Variants in KIAA1217 observed in about 807,000 individuals in gnomAD.
KIAA1217 encodes the protein sickle tail protein homolog.
In KIAA1217, 88 loss-of-function variants were observed where a neutral mutation model predicts 163.9. The ratio of observed to expected loss-of-function variants is 0.54; its 90% CI spans 0.45 to 0.64. KIAA1217 has a LOEUF of 0.64. Among genes scored for constraint, KIAA1217 ranks in the 30% least tolerant of loss-of-function variants. The probability of loss-of-function intolerance (pLI) is 0.00; values close to 1 mark genes in which losing one functional copy is unlikely to be tolerated. For missense variants in KIAA1217, 2,372 were observed against 2,475.0 expected (o/e 0.96, Z 0.88); for synonymous variants, 903 against 923.1 (o/e 0.98, Z 0.39).
In KIAA1217 at chr10:23,750,713, T is replaced by TTG. The variant is rs145596955; in HGVS notation, c.-321+55479_-321+55480insTG. On this transcript the variant is annotated intron_variant, in intron 1 of 18. Transcript: ENST00000376462. ...TACACTTGTTCAATTAATGAATGAC[T>TTG]AATTGAAGAGCTTGAATGAGGGGCT... is the stretch of plus-strand genomic sequence containing the variant. Among the ~76,000 whole-genome samples the TTG allele has an allele frequency of 7.9e-3, 1,197 of 152,252 alleles. 14 individuals are homozygous for TTG. Among genetic ancestry groups the TTG allele is most frequent in the African/African-American group, 0.025 (1,036 of 41,562 alleles).
intron 1 of KIAA1217, among the ~76,000 whole-genome samples, chr10:23,730,154 G>A (rs1327471607): frequency 6.6e-6 from 1 of 152,112 alleles, no homozygotes; most frequent in Non-Finnish European, 1.5e-5. Flanking sequence ...GCCCGCCTCG[G>A]CCTCCCAAAG....
intron 2 of KIAA1217, among the ~76,000 whole-genome samples, chr10:24,133,885 A>G (rs1215267156): frequency 1.3e-5 from 2 of 152,224 alleles, no homozygotes; most frequent in Non-Finnish European, 1.5e-5. Context: ...TTTCTTAACT[A>G]GGAGTGGTCA....
At chr10:24,031,274 T>C (rs554148857) in intron 2 of KIAA1217, among the ~76,000 whole-genome samples, 3 of 152,298 alleles carry the variant, frequency 2.0e-5, no homozygotes, top group African/African-American at 7.2e-5. Context: ...GAGTTGCATT[T>C]CTCTAATGAT....
At chr10:24,398,482 C>T (rs141829065) in intron 3 of KIAA1217, among the ~76,000 whole-genome samples, 1 of 152,222 alleles carries the variant, frequency 6.6e-6, no homozygotes, top group East Asian at 1.9e-4. Flanking sequence ...AACAATTTGA[C>T]TGAGGGGCCT....
At chr10:24,443,331 A>G (rs117437284) in intron 5 of KIAA1217, among the ~76,000 whole-genome samples, 5,434 of 152,306 alleles carry the variant, frequency 0.036, 136 homozygotes, top group Middle Eastern at 0.088. Flanking sequence ...GCCAGAGAGT[A>G]GCAGAACAGA....
intron 1 of KIAA1217, among the ~76,000 whole-genome samples, chr10:23,849,233 C>A (rs1839187659): frequency 6.6e-6 from 1 of 152,110 alleles, no homozygotes; most frequent in Non-Finnish European, 1.5e-5. Context: ...AATCTCCAAT[C>A]TAAATCCAGG....
rs144210193 is a variant in KIAA1217, at chr10:23,922,317, C to T, written c.-320-84908C>T. ...TGACCTCCATACCTCCTCATCTGAC[C>T]GTTCATTTGTATCCTTTATAATATC... On this transcript the variant is annotated intron_variant, in intron 1 of 18. Transcript: ENST00000376462. Among the ~76,000 whole-genome samples, 1,178 of 152,240 alleles carry T rather than the reference C, an allele frequency of 7.7e-3. 6 individuals carry two copies. The highest frequency in any genetic ancestry group is 0.011 in the Non-Finnish European group (730 of 68,010).
chr10:24,018,680 A>G (rs952744432), intron 2 of KIAA1217, among the ~76,000 whole-genome samples: 1 of 152,108 alleles, frequency 6.6e-6, no homozygotes, highest in South Asian at 2.1e-4. Context: ...TAGAACTGCT[A>G]TATGACCCAG....
At chr10:23,701,142 G>A (rs551079814) in intron 1 of KIAA1217, among the ~76,000 whole-genome samples, 1 of 152,234 alleles carries the variant, frequency 6.6e-6, no homozygotes, top group Admixed American at 6.5e-5. Context: ...TATTATTATG[G>A]TGTCATCTCA....
chr10:24,123,931 G>A (rs2063376809), intron 2 of KIAA1217, among the ~76,000 whole-genome samples: 1 of 152,140 alleles, frequency 6.6e-6, no homozygotes. Flanking sequence ...TTATATATTA[G>A]TATTCTGGGC....
intron 14 of KIAA1217, among the ~76,000 whole-genome samples, chr10:24,528,637 G>A (rs955464622): frequency 6.6e-6 from 1 of 152,064 alleles, no homozygotes; most frequent in Non-Finnish European, 1.5e-5. Flanking sequence ...CACTACTACT[G>A]TTTTATGCTA....
At chr10:24,371,969 A>G (rs996152292) in intron 2 of KIAA1217, among the ~76,000 whole-genome samples, 1 of 152,208 alleles carries the variant, frequency 6.6e-6, no homozygotes, top group Non-Finnish European at 1.5e-5. Context: ...CCAATGCAGC[A>G]TGTTCTTACT....
At chr10:23,844,278 C>G (rs554490450) in intron 1 of KIAA1217, among the ~76,000 whole-genome samples, 1 of 152,088 alleles carries the variant, frequency 6.6e-6, no homozygotes, top group South Asian at 2.1e-4. Context: ...CCCTTTTATT[C>G]TCTTTGTGAG....
intron 2 of KIAA1217, among the ~76,000 whole-genome samples, chr10:24,318,817 A>G (rs1164635288): frequency 6.6e-6 from 1 of 152,236 alleles, no homozygotes; most frequent in East Asian, 1.9e-4. Context: ...TTATGATCTA[A>G]TGTTGAAACT....
chr10:24,416,449 C>T (rs181089192), intron 3 of KIAA1217, among the ~76,000 whole-genome samples: 17 of 152,306 alleles, frequency 1.1e-4, no homozygotes, highest in Admixed American at 2.0e-4. Context: ...TTGATGCTGA[C>T]GCTTGGGAAA....
intron 3 of KIAA1217, among the ~76,000 whole-genome samples, chr10:24,381,482 C>A: frequency 6.6e-6 from 1 of 152,200 alleles, no homozygotes; most frequent in Non-Finnish European, 1.5e-5. Flanking sequence ...CCTGTCAGAT[C>A]AGCTGTGGCA....
intron 1 of KIAA1217, among the ~76,000 whole-genome samples, chr10:23,894,494 T>C (rs1841582755): frequency 6.8e-6 from 1 of 146,784 alleles, no homozygotes; most frequent in Non-Finnish European, 1.5e-5. Flanking sequence ...TAAAAGAGGA[T>C]ACAAACAAAT....
chr10:24,377,023 G>T (rs1039351300), intron 2 of KIAA1217, among the ~76,000 whole-genome samples: 2 of 152,178 alleles, frequency 1.3e-5, no homozygotes, highest in African/African-American at 4.8e-5. Context: ...ATTAGGAAGA[G>T]AATATTTCTA....
At chr10:23,918,942 G>A (rs986600227) in intron 1 of KIAA1217, among the ~76,000 whole-genome samples, 1 of 152,070 alleles carries the variant, frequency 6.6e-6, no homozygotes, top group Non-Finnish European at 1.5e-5. Context: ...GCTTAAACAA[G>A]CACATGGGGA....
Sources: allele counts gnomAD v4.1 joint callset (sites outside exome capture counted in the v4.1 genomes callset), GRCh38; gene constraint gnomAD v4.1.1; transcripts MANE v1.5; gene names NCBI Gene and HGNC (gene_info 2026-07-23, HGNC 2026-07-21).